The following HSD17B7 variants were observed in gnomAD, a reference collection of about 807,000 sequenced individuals.
The protein encoded by HSD17B7 is hydroxysteroid 17-beta dehydrogenase 7, also known as 3-keto-steroid reductase/17-beta-hydroxysteroid dehydrogenase 7.
HSD17B7 carries 17 observed loss-of-function variants against 34.1 expected under a neutral mutation model. The observed-to-expected ratio is 0.50, with a 90% CI of 0.34 to 0.75. HSD17B7 has a LOEUF of 0.75. Among genes scored for constraint, HSD17B7 ranks in the 30% least tolerant of loss-of-function variants. The probability of loss-of-function intolerance (pLI) is 0.01; values close to 1 mark genes in which losing one functional copy is unlikely to be tolerated. For missense variants in HSD17B7, 296 were observed against 406.6 expected, an observed-to-expected ratio of 0.73 and a Z score of 2.34; for synonymous variants, 122 against 154.6, an observed-to-expected ratio of 0.79 and a Z score of 1.56.
At chr1:162,800,317 A>C (rs1161644321) in intron 5 of HSD17B7, 1 of 458,462 alleles carries the variant, frequency 2.2e-6, no homozygotes, top group East Asian at 6.8e-5. Flanking sequence ...CGGAGAACTT[A>C]AGTCATTTAC....
At chr1:162,796,006 T>G (rs766829293) in intron 2 of HSD17B7, among the ~76,000 whole-genome samples, 24 of 102,432 alleles carry the variant, frequency 2.3e-4, no homozygotes, top group Non-Finnish European at 4.8e-4. Context: ...CAGTGTATTC[T>G]TACGAACTTT....
intron 5 of HSD17B7, among the ~76,000 whole-genome samples, chr1:162,802,729 C>G (rs546642288): frequency 1.3e-5 from 2 of 151,950 alleles, no homozygotes; most frequent in African/African-American, 4.8e-5. Context: ...TAAAACAAAT[C>G]CCAATAAGAG....
chr1:162,811,948 A>C (rs879793505), intron 8 of HSD17B7, among the ~76,000 whole-genome samples: 3 of 152,246 alleles, frequency 2.0e-5, no homozygotes, highest in Non-Finnish European at 4.4e-5. Context: ...TTAGGAAGTG[A>C]GTAGCCATTA....
chr1:162,798,042 G>C, intron 4 of HSD17B7, 126 bp downstream of exon 4: 1 of 1,397,152 alleles, frequency 7.2e-7, no homozygotes. Flanking sequence ...GAGTTTTCTT[G>C]ATTGCATTTG....
At chr1:162,792,580 T>G in intron 1 of HSD17B7, 79 bp from the exon 2 acceptor site, 1 of 1,530,024 alleles carries the variant, frequency 6.5e-7, no homozygotes, top group Non-Finnish European at 8.8e-7. Flanking sequence ...CTTGACACAG[T>G]TTTCTGAACC....
At chr1:162,804,112 T>G (rs1331204323) in intron 6 of HSD17B7, among the ~76,000 whole-genome samples, 155 bp from the exon 7 acceptor site, 2 of 152,248 alleles carry the variant, frequency 1.3e-5, no homozygotes, top group Non-Finnish European at 2.9e-5. Context: ...TAATGGAGAT[T>G]AAATGATGTT....
Position 162,797,835 on chromosome 1 carries a change from C to T in HSD17B7, c.366C>T (p.Gly122=). The change falls in exon 4 of 9, where the codon GGC becomes GGT. Residue 122 remains glycine (G), a synonymous_variant. Transcript: ENST00000254521. ...TTCATATGTTCTCCACAGCTGAAGG[C>T]CTGCTGACCCAGGGTGATAAGATCA... is the stretch of plus-strand genomic sequence containing the variant. ...KVIHMFSTAE[G]LLTQGDKITA... 1 of 1,613,600 alleles carries T rather than the reference C, an allele frequency of 6.2e-7. No individual in the cohort carries two copies. The highest frequency in any genetic ancestry group is 8.5e-7 in the Non-Finnish European group (1 of 1,179,728).
At chr1:162,801,449 G>T (rs1648810775) in intron 5 of HSD17B7, among the ~76,000 whole-genome samples, 2 of 152,134 alleles carry the variant, frequency 1.3e-5, no homozygotes, top group African/African-American at 4.8e-5. Context: ...TGACTGAGGG[G>T]GATCTGTATG....
chr1:162,800,576 G>T (rs1648776245), intron 5 of HSD17B7, among the ~76,000 whole-genome samples: 1 of 152,172 alleles, frequency 6.6e-6, no homozygotes, highest in South Asian at 2.1e-4. Context: ...ACCCTTGTTG[G>T]TCATACTGAG....
intron 2 of HSD17B7, among the ~76,000 whole-genome samples, chr1:162,794,645 T>C (rs1240394368): frequency 1.3e-5 from 2 of 152,044 alleles, no homozygotes; most frequent in Admixed American, 6.6e-5. Context: ...TTTTAAATCA[T>C]GTTTACAGGC....
chr1:162,805,147 T>C (rs926270104), intron 7 of HSD17B7, among the ~76,000 whole-genome samples: 37 of 152,354 alleles, frequency 2.4e-4, no homozygotes, highest in African/African-American at 8.7e-4. Flanking sequence ...TTGATGCTCT[T>C]GTTTTGGTAA....
intron 1 of HSD17B7, among the ~76,000 whole-genome samples, chr1:162,791,071 C>T (rs1255214845): frequency 1.3e-5 from 2 of 151,566 alleles, no homozygotes; most frequent in Non-Finnish European, 2.9e-5. Flanking sequence ...TGATGAGTGT[C>T]GCAGTGATGA....
At chr1:162,794,395 C>T (rs1257509113) in intron 2 of HSD17B7, among the ~76,000 whole-genome samples, 2 of 152,022 alleles carry the variant, frequency 1.3e-5, no homozygotes, top group African/African-American at 4.8e-5. Flanking sequence ...CTCAGTGTGG[C>T]CTTAGTCCTT....
chr1:162,808,459 T>G (rs1649062883), intron 8 of HSD17B7, among the ~76,000 whole-genome samples: 1 of 152,222 alleles, frequency 6.6e-6, no homozygotes, highest in South Asian at 2.1e-4. Context: ...GGGCCCTTTT[T>G]TGGTTCCATA....
At chr1:162,805,637 A>T in intron 8 of HSD17B7, 145 bp downstream of exon 8, 5 of 1,330,426 alleles carry the variant, frequency 3.8e-6, no homozygotes, top group Non-Finnish European at 5.0e-6. Context: ...ATTTTATTTC[A>T]TCCTGCTCCC....
At chr1:162,796,000 G>A (rs1261640584) in intron 2 of HSD17B7, among the ~76,000 whole-genome samples, 1 of 129,408 alleles carries the variant, frequency 7.7e-6, no homozygotes, top group Admixed American at 7.9e-5. Context: ...TAATCTCAGT[G>A]TATTCTTACG....
At chr1:162,794,844 G>T (rs1648546755) in intron 2 of HSD17B7, among the ~76,000 whole-genome samples, 1 of 152,054 alleles carries the variant, frequency 6.6e-6, no homozygotes. Context: ...GCCTTCAAAG[G>T]TTCAAGATAT....
At position 162,799,493 on chromosome 1, in the gene HSD17B7, C is replaced by G. The variant is rs140077177; in HGVS notation, c.448-250C>G. Reference sequence around the variant, plus strand: ...GAAACCAAGATCTGGGTGCTTATTGCTGCTGAGATATCAGTGTCTTCTAAA... The same window carrying G: ...GAAACCAAGATCTGGGTGCTTATTGGTGCTGAGATATCAGTGTCTTCTAAA... On this transcript the variant is annotated intron_variant, in intron 4 of 8. Coordinates refer to ENST00000254521, the MANE Select transcript of HSD17B7 (RefSeq NM_016371.4). The G allele has an allele frequency of 4.0e-3, 1,318 of 331,662 alleles. 17 individuals carry two copies. The highest frequency in any genetic ancestry group is 0.025 in the African/African-American group (1,203 of 47,592). The allele number at this position is 331,662 out of a possible 1,614,324, so 20.5% of individuals were successfully genotyped here. A position where few individuals can be genotyped will look rare whatever the true frequency, so the allele number is the denominator to read the frequency against.
intron 8 of HSD17B7, among the ~76,000 whole-genome samples, chr1:162,809,451 C>T (rs564958987): frequency 2.0e-5 from 3 of 152,246 alleles, no homozygotes; most frequent in Admixed American, 6.5e-5. Context: ...GTGTCTCTGT[C>T]AGGCTTTGGT....
Sources: allele counts gnomAD v4.1 joint callset (sites outside exome capture counted in the v4.1 genomes callset), GRCh38; gene constraint gnomAD v4.1.1; transcripts MANE v1.5; gene names NCBI Gene and HGNC (gene_info 2026-07-23, HGNC 2026-07-21).